SHISA9: variants seen among roughly 807,000 people sequenced by gnomAD.
SHISA9 encodes protein shisa-9.
In SHISA9, 13 loss-of-function variants were observed where a neutral mutation model predicts 38.0. The ratio of observed to expected loss-of-function variants is 0.34; its 90% CI spans 0.22 to 0.54. The LOEUF is 0.54. SHISA9 is among the 20% of genes least tolerant of loss of function. The pLI is 0.91. For missense variants in SHISA9, 538 were observed against 575.8 expected, an observed-to-expected ratio of 0.93 and a Z score of 0.67; for synonymous variants, 275 against 242.0, an observed-to-expected ratio of 1.14 and a Z score of -1.27.
At chr16:13,128,953 C>A (rs1381510903) in intron 2 of SHISA9, among the ~76,000 whole-genome samples, 1 of 152,180 alleles carries the variant, frequency 6.6e-6, no homozygotes, top group Non-Finnish European at 1.5e-5. Context: ...AATATCAGAA[C>A]AAAACTTTGC....
the SHISA9 span, among the ~76,000 whole-genome samples, chr16:13,559,476 T>C: frequency 2.6e-5 from 4 of 151,802 alleles, no homozygotes; most frequent in South Asian, 8.3e-4. Context: ...CTCCTGGGCT[T>C]AGGTCATCCT....
the SHISA9 span, among the ~76,000 whole-genome samples, chr16:13,519,026 A>G: frequency 6.6e-6 from 1 of 152,214 alleles, no homozygotes; most frequent in Non-Finnish European, 1.5e-5. Flanking sequence ...GAACTGTTGC[A>G]CTAGGGATTA....
chr16:13,053,197 C>T (rs748663343), intron 2 of SHISA9, among the ~76,000 whole-genome samples: 21 of 151,528 alleles, frequency 1.4e-4, no homozygotes, highest in African/African-American at 2.9e-4. Context: ...TTCTGACCTC[C>T]GGTGATCCGC....
At chr16:13,533,085 C>A in the SHISA9 span, among the ~76,000 whole-genome samples, 1 of 152,152 alleles carries the variant, frequency 6.6e-6, no homozygotes, top group African/African-American at 2.4e-5. Flanking sequence ...CCAGCTCACC[C>A]TTGTGAGGCC....
In SHISA9 at chr16:13,237,355, A is replaced by G. The variant is rs560524989; in HGVS notation, c.*1946A>G. On this transcript the variant is annotated 3_prime_UTR_variant, in exon 5 of 5. Transcript: ENST00000558583. The stretch of plus-strand genomic sequence containing the variant: ...AGCTTTTTGAAACTGCAAAACCTCT[A>G]CCTGTTTTTAAAAATGAGATCTTTT... The G allele has an allele frequency of 6.6e-6, 1 of 152,170 alleles. No individual in the cohort carries two copies. The highest frequency in any genetic ancestry group is 2.1e-4 in the South Asian group (1 of 4,798). The allele number at this position is 152,170 out of a possible 1,614,324, so 9.4% of individuals were successfully genotyped here.
chr16:13,374,570 G>A, the SHISA9 span, among the ~76,000 whole-genome samples: 2 of 152,094 alleles, frequency 1.3e-5, no homozygotes, highest in African/African-American at 2.4e-5. Flanking sequence ...TATCATTGAT[G>A]GACATTTGGG....
At chr16:13,039,647 CAG>C (rs1367935499) in intron 2 of SHISA9, among the ~76,000 whole-genome samples, 1 of 152,154 alleles carries the variant, frequency 6.6e-6, no homozygotes, top group Non-Finnish European at 1.5e-5. Context: ...AATCAATAAA[CAG>C]TGTGGCATTA....
the SHISA9 span, among the ~76,000 whole-genome samples, chr16:13,386,075 G>C: frequency 6.6e-6 from 1 of 152,100 alleles, no homozygotes; most frequent in Non-Finnish European, 1.5e-5. Flanking sequence ...GGTGCCCATG[G>C]ATATATGAAC....
intron 2 of SHISA9, among the ~76,000 whole-genome samples, chr16:13,066,429 C>T (rs2073435440): frequency 6.6e-6 from 1 of 152,162 alleles, no homozygotes; most frequent in African/African-American, 2.4e-5. Flanking sequence ...TCTGTCTCTT[C>T]TCTATAGAAT....
chr16:13,362,726 A>G, the SHISA9 span, among the ~76,000 whole-genome samples: 1 of 152,146 alleles, frequency 6.6e-6, no homozygotes. Context: ...CACTTCTCAC[A>G]TTCCTGATTT....
At chr16:13,344,766 C>G in the SHISA9 span, among the ~76,000 whole-genome samples, 2 of 152,078 alleles carry the variant, frequency 1.3e-5, no homozygotes, top group African/African-American at 2.4e-5. Flanking sequence ...ATATATGCCC[C>G]AAATCTCACA....
the SHISA9 span, among the ~76,000 whole-genome samples, chr16:13,253,689 C>A: frequency 6.6e-6 from 1 of 152,104 alleles, no homozygotes; most frequent in Admixed American, 6.6e-5. Context: ...ATCCCTCCCA[C>A]AACACATGAG....
chr16:13,296,405 CTGTTTTTGAACAG>C, the SHISA9 span, among the ~76,000 whole-genome samples: 2 of 151,542 alleles, frequency 1.3e-5, no homozygotes, highest in African/African-American at 4.9e-5. Context: ...GCTGTGCGTG[CTGTTTTTGAACAG>C]CACGCAGGGG....
chr16:13,218,863 T>C (rs894105398), intron 4 of SHISA9, among the ~76,000 whole-genome samples: 3 of 152,208 alleles, frequency 2.0e-5, no homozygotes, highest in African/African-American at 7.2e-5. Flanking sequence ...ATGCATCCTA[T>C]AGACCATCCC....
chr16:13,461,592 G>A, the SHISA9 span, among the ~76,000 whole-genome samples: 9 of 139,238 alleles, frequency 6.5e-5, no homozygotes, highest in South Asian at 2.2e-4. Flanking sequence ...AAAAAAAAAA[G>A]ATTTATAGAC....
At chr16:13,350,649 A>G in the SHISA9 span, 1 of 152,290 alleles carries the variant, frequency 6.6e-6, no homozygotes, top group Non-Finnish European at 1.5e-5. Flanking sequence ...TGCAGACATG[A>G]CTTTGCAGAA....
At chr16:13,353,498 G>A in the SHISA9 span, among the ~76,000 whole-genome samples, 23 of 151,844 alleles carry the variant, frequency 1.5e-4, no homozygotes, top group African/African-American at 5.6e-4. Flanking sequence ...TAAACCTGCA[G>A]TGTAAACAAG....
intron 2 of SHISA9, among the ~76,000 whole-genome samples, chr16:12,948,466 T>C (rs898517309): frequency 1.3e-5 from 2 of 152,238 alleles, no homozygotes; most frequent in East Asian, 3.8e-4. Flanking sequence ...CTGTCTTTGT[T>C]TGAGCTGCTA....
At chr16:13,108,866 A>G (rs772369706) in intron 2 of SHISA9, among the ~76,000 whole-genome samples, 10 of 152,236 alleles carry the variant, frequency 6.6e-5, no homozygotes, top group Admixed American at 3.9e-4. Flanking sequence ...GGTATGGTCA[A>G]TTTCTCAATG....
Sources: allele counts gnomAD v4.1 joint callset (sites outside exome capture counted in the v4.1 genomes callset), GRCh38; gene constraint gnomAD v4.1.1; transcripts MANE v1.5; gene names NCBI Gene and HGNC (gene_info 2026-07-23, HGNC 2026-07-21).